ESRRB: variants seen among roughly 807,000 people sequenced by gnomAD.
ESRRB encodes the protein steroid hormone receptor ERR2.
ESRRB carries 16 observed loss-of-function variants against 46.0 expected under a neutral mutation model. The ratio of observed to expected loss-of-function variants is 0.35; its 90% CI spans 0.24 to 0.53. The LOEUF (loss-of-function observed/expected upper bound fraction) is 0.53. ESRRB is among the 20% of genes least tolerant of loss of function. The pLI, the probability that ESRRB is intolerant of heterozygous loss-of-function variation, is 0.93. For synonymous variants in ESRRB, 246 were observed against 259.6 expected (o/e 0.95, Z 0.50); for missense variants, 488 against 607.4 (o/e 0.80, Z 2.07).
At chr14:76,437,615 C>T (rs997035602) in intron 1 of ESRRB, among the ~76,000 whole-genome samples, 1 of 152,180 alleles carries the variant, frequency 6.6e-6, no homozygotes, top group African/African-American at 2.4e-5. Flanking sequence ...CATGAGCCTC[C>T]TCTCTACCTC....
chr14:76,413,860 A>ATCCCCACCCCTGCACCG (rs1212784261), intron 1 of ESRRB, among the ~76,000 whole-genome samples: 2 of 14,272 alleles, frequency 1.4e-4, no homozygotes, highest in African/African-American at 6.4e-4. Context: ...CCCCTGCACC[A>ATCCCCACCCCTGCACCG]TCCCCACCCC....
At chr14:76,404,274 G>GT (rs1886074342) in intron 1 of ESRRB, 1 of 151,792 alleles carries the variant, frequency 6.6e-6, no homozygotes, top group Non-Finnish European at 1.5e-5. Context: ...GTCTGCATAT[G>GT]TGTGTGTAGA....
chr14:76,469,929 G>GTTTTTTTTTTTTT (rs769935944), intron 3 of ESRRB, among the ~76,000 whole-genome samples: 31 of 78,696 alleles, frequency 3.9e-4, no homozygotes, highest in African/African-American at 6.0e-4. Flanking sequence ...GTTTTTTGTT[G>GTTTTTTTTTTTTT]TTTTTTTTTT....
intron 1 of ESRRB, among the ~76,000 whole-genome samples, chr14:76,384,805 A>C (rs1885153963): frequency 6.6e-6 from 1 of 152,152 alleles, no homozygotes; most frequent in African/African-American, 2.4e-5. Context: ...AACTGTGTGA[A>C]GAGAGAGGCA....
intron 2 of ESRRB, among the ~76,000 whole-genome samples, chr14:76,452,718 G>A (rs1006455802): frequency 6.6e-6 from 1 of 152,108 alleles, no homozygotes; most frequent in African/African-American, 2.4e-5. Context: ...AGGGAAGGAG[G>A]ACTCTTAGAT....
chr14:76,479,454 TCA>T (rs1889721443), intron 3 of ESRRB, among the ~76,000 whole-genome samples: 1 of 152,190 alleles, frequency 6.6e-6, no homozygotes, highest in Admixed American at 6.5e-5. Context: ...CAGCCTTGTC[TCA>T]GATTCTGCTC....
At chr14:76,344,451 T>A (rs1215659624) in intron 1 of ESRRB, among the ~76,000 whole-genome samples, 1 of 147,640 alleles carries the variant, frequency 6.8e-6, no homozygotes, top group East Asian at 2.0e-4. Flanking sequence ...GCCCCCAAAC[T>A]CCATTGTATC....
intron 1 of ESRRB, among the ~76,000 whole-genome samples, chr14:76,426,587 T>G (rs1887210461): frequency 2.6e-5 from 4 of 152,206 alleles, no homozygotes; most frequent in Admixed American, 6.5e-5. Context: ...GAATTCTGAT[T>G]GCCAAGATGG....
upstream of ESRRB, among the ~76,000 whole-genome samples, chr14:76,367,386 C>A (rs1219059666): frequency 6.6e-6 from 1 of 151,962 alleles, no homozygotes; most frequent in Non-Finnish European, 1.5e-5. Flanking sequence ...GAGACCCTGT[C>A]TCTACAAAAA....
chr14:76,366,490 G>A (rs1329731720), upstream of ESRRB, among the ~76,000 whole-genome samples: 2 of 152,138 alleles, frequency 1.3e-5, no homozygotes, highest in Non-Finnish European at 2.9e-5. Context: ...ACCTGCCTCT[G>A]GAAAATTTGC....
chr14:76,328,927 G>A (rs1883969982), intron 1 of ESRRB, among the ~76,000 whole-genome samples: 1 of 152,170 alleles, frequency 6.6e-6, no homozygotes, highest in Non-Finnish European at 1.5e-5. Flanking sequence ...AGCTGTGTGT[G>A]TTTGATCTCT....
intron 1 of ESRRB, among the ~76,000 whole-genome samples, chr14:76,383,848 CAAG>C (rs1056202364): frequency 1.3e-5 from 2 of 152,134 alleles, no homozygotes; most frequent in African/African-American, 4.8e-5. Flanking sequence ...GTGAAAAAAA[CAAG>C]AAGGGTGTAG....
At chr14:76,483,976 C>T (rs905815185) in intron 5 of ESRRB, among the ~76,000 whole-genome samples, 1 of 152,168 alleles carries the variant, frequency 6.6e-6, no homozygotes, top group Non-Finnish European at 1.5e-5. Flanking sequence ...GCCTCAGCCT[C>T]CCCAGTAGCT....
intron 1 of ESRRB, among the ~76,000 whole-genome samples, chr14:76,358,253 A>G (rs1049344478): frequency 2.0e-5 from 3 of 150,222 alleles, no homozygotes; most frequent in African/African-American, 4.9e-5. Flanking sequence ...TGGAGGTTTC[A>G]GTGAGCCAAG....
chr14:76,420,164 T>C lies in ESRRB; in HGVS notation c.51-19177T>C, dbSNP rs1214321703. On this transcript the variant is annotated intron_variant, in intron 1 of 6. Coordinates refer to ENST00000644823, the MANE Select transcript of ESRRB (RefSeq NM_001379180.1). ...CATGAGCAAATGAGCAAAAGGCTCA[T>C]GACTAGCGGGCAGCTTCCCAGGTAA... Among the ~76,000 whole-genome samples the C allele has an allele frequency of 2.0e-5, 3 of 152,352 alleles. No individual in the cohort carries two copies. The South Asian group carries it at 6.2e-4, about 32-fold the overall frequency.
intron 1 of ESRRB, among the ~76,000 whole-genome samples, chr14:76,434,291 G>C (rs771042215): frequency 9.9e-5 from 15 of 152,176 alleles, no homozygotes; most frequent in African/African-American, 3.6e-4. Flanking sequence ...AGGCAGCCCA[G>C]AGAGCACTGT....
chr14:76,485,390 A>G (rs1048019237), intron 5 of ESRRB, among the ~76,000 whole-genome samples: 17 of 151,554 alleles, frequency 1.1e-4, no homozygotes, highest in Non-Finnish European at 2.2e-4. Context: ...GGCACGTGCC[A>G]CCACCCCTGG....
intron 2 of ESRRB, among the ~76,000 whole-genome samples, chr14:76,461,978 C>T (rs956075775): frequency 6.6e-6 from 1 of 152,206 alleles, no homozygotes; most frequent in African/African-American, 2.4e-5. Context: ...GATTATCTCA[C>T]TGTTTTGAAG....
At chr14:76,439,228 C>T in intron 1 of ESRRB, 113 bp from the exon 2 acceptor site, 3 of 1,224,582 alleles carry the variant, frequency 2.4e-6, no homozygotes, top group Admixed American at 1.7e-5. Context: ...GTTGTTTTAT[C>T]GCACCAAAGC....
Sources: gnomAD v4.1 joint callset for allele counts (sites outside exome capture counted in the v4.1 genomes callset) on GRCh38, gnomAD v4.1.1 for gene constraint, MANE v1.5 for transcripts, NCBI Gene and HGNC (gene_info 2026-07-23, HGNC 2026-07-21) for gene names.